The following NRG1 variants were observed in gnomAD, a reference collection of about 807,000 sequenced individuals.
The protein encoded by NRG1 is pro-neuregulin-1, membrane-bound isoform.
In NRG1, 18 loss-of-function variants were observed where a neutral mutation model predicts 63.8. That is an observed-to-expected ratio of 0.28 (90% CI 0.19 to 0.42). The LOEUF is 0.42. Among genes scored for constraint, NRG1 ranks in the 10% least tolerant of loss-of-function variants. The pLI is 1.00. For synonymous variants in NRG1, 302 were observed against 301.3 expected (o/e 1.00, Z -0.02); for missense variants, 762 against 814.7 (o/e 0.94, Z 0.79).
At chr8:32,439,144 C>G (rs1563465913) in intron 1 of NRG1, among the ~76,000 whole-genome samples, 1 of 152,162 alleles carries the variant, frequency 6.6e-6, no homozygotes, top group Non-Finnish European at 1.5e-5. Flanking sequence ...ACAGATCCAT[C>G]TCCACTAATG....
intron 5 of NRG1, among the ~76,000 whole-genome samples, chr8:32,632,568 T>A (rs866889664): frequency 0.024 from 2,790 of 114,166 alleles, 93 homozygotes; most frequent in African/African-American, 0.085. Context: ...AAAAAAAAAA[T>A]GGACATGTCA....
intron 1 of NRG1, among the ~76,000 whole-genome samples, chr8:31,997,456 C>T (rs111408521): frequency 1.3e-5 from 2 of 151,940 alleles, no homozygotes; most frequent in East Asian, 1.9e-4. Flanking sequence ...ATAGAAATAA[C>T]GCTTCACATT....
intron 1 of NRG1, among the ~76,000 whole-genome samples, chr8:32,446,692 CAGA>C (rs962105827): frequency 4.6e-4 from 69 of 151,460 alleles, no homozygotes; most frequent in African/African-American, 1.6e-3. Flanking sequence ...TTCCTGTAGA[CAGA>C]AGGAGTGTTT....
chr8:31,790,282 A>G (rs1820576062), intron 1 of NRG1, among the ~76,000 whole-genome samples: 1 of 152,220 alleles, frequency 6.6e-6, no homozygotes, highest in African/African-American at 2.4e-5. Context: ...AATTAGGACA[A>G]GAAACTAATA....
chr8:31,808,177 A>G (rs1443843568), intron 1 of NRG1, among the ~76,000 whole-genome samples: 1 of 151,990 alleles, frequency 6.6e-6, no homozygotes, highest in African/African-American at 2.4e-5. Context: ...ATTAAAAGTT[A>G]TGTTTCATTA....
chr8:32,539,485 A>G (rs1252174911), intron 1 of NRG1, among the ~76,000 whole-genome samples: 1 of 152,200 alleles, frequency 6.6e-6, no homozygotes, highest in Non-Finnish European at 1.5e-5. Flanking sequence ...AGGTGAGAAG[A>G]AAAGGAAGAT....
chr8:32,264,261 A>T (rs536910586), intron 1 of NRG1, among the ~76,000 whole-genome samples: 6 of 152,160 alleles, frequency 3.9e-5, no homozygotes, highest in Non-Finnish European at 8.8e-5. Flanking sequence ...ATTGTCTGTC[A>T]ATCCTTCTTG....
At chr8:32,181,451 G>A (rs1341755956) in intron 1 of NRG1, among the ~76,000 whole-genome samples, 1 of 151,934 alleles carries the variant, frequency 6.6e-6, no homozygotes, top group Non-Finnish European at 1.5e-5. Flanking sequence ...TTGTATCCAG[G>A]ACAGTGTCTG....
intron 1 of NRG1, among the ~76,000 whole-genome samples, chr8:31,875,134 A>C (rs1829808772): frequency 6.6e-6 from 1 of 151,866 alleles, no homozygotes; most frequent in African/African-American, 2.4e-5. Flanking sequence ...GTAGAGGGAG[A>C]ACTCCTGCCT....
chr8:32,713,048 CTCAGTCA>C (rs1282890730), intron 5 of NRG1, among the ~76,000 whole-genome samples: 1 of 152,220 alleles, frequency 6.6e-6, no homozygotes, highest in African/African-American at 2.4e-5. Context: ...CAATTCCTAG[CTCAGTCA>C]TCTTTTCTCT....
intron 1 of NRG1, among the ~76,000 whole-genome samples, chr8:31,678,376 C>T (rs1369735553): frequency 6.6e-6 from 1 of 151,980 alleles, no homozygotes; most frequent in Non-Finnish European, 1.5e-5. Flanking sequence ...GACCTAATTT[C>T]CCCCCCAACA....
At chr8:32,489,600 G>A (rs1826307668) in intron 1 of NRG1, among the ~76,000 whole-genome samples, 1 of 152,078 alleles carries the variant, frequency 6.6e-6, no homozygotes, top group African/African-American at 2.4e-5. Context: ...TTTCTTCCTG[G>A]TGAAGGACCC....
intron 1 of NRG1, among the ~76,000 whole-genome samples, chr8:32,166,844 A>G (rs955924882): frequency 6.6e-6 from 1 of 152,182 alleles, no homozygotes; most frequent in African/African-American, 2.4e-5. Flanking sequence ...ATTAAGTTTA[A>G]TGGTTTTTGT....
chr8:32,174,782 G>A (rs1435331109), intron 1 of NRG1, among the ~76,000 whole-genome samples: 2 of 152,102 alleles, frequency 1.3e-5, no homozygotes, highest in African/African-American at 4.8e-5. Context: ...ACTAAACCAG[G>A]AAGAAGTTGA....
intron 1 of NRG1, among the ~76,000 whole-genome samples, chr8:32,160,027 A>G (rs1838653015): frequency 6.6e-6 from 1 of 152,152 alleles, no homozygotes; most frequent in Admixed American, 6.5e-5. Flanking sequence ...TGAGTCTGAC[A>G]TAGGAAGAGA....
chr8:32,215,036 A>T (rs1194045413), intron 1 of NRG1, among the ~76,000 whole-genome samples: 1 of 152,234 alleles, frequency 6.6e-6, no homozygotes, highest in African/African-American at 2.4e-5. Context: ...AATGGGGGAC[A>T]CCCAGTCAAA....
intron 1 of NRG1, among the ~76,000 whole-genome samples, chr8:32,301,670 T>C (rs1855577468): frequency 6.6e-6 from 1 of 152,144 alleles, no homozygotes; most frequent in African/African-American, 2.4e-5. Flanking sequence ...CTTAGGTGGA[T>C]GGCAGCAGGC....
At chr8:32,554,421 T>C (rs1224201945) in intron 1 of NRG1, among the ~76,000 whole-genome samples, 1 of 152,238 alleles carries the variant, frequency 6.6e-6, no homozygotes, top group Non-Finnish European at 1.5e-5. Flanking sequence ...TGGACAGCTT[T>C]ATTTATTTTT....
At chr8:31,949,470 T>A (rs1296382763) in intron 1 of NRG1, among the ~76,000 whole-genome samples, 2 of 152,230 alleles carry the variant, frequency 1.3e-5, no homozygotes, top group Admixed American at 1.3e-4. Context: ...TTCCTCCACA[T>A]GTCCAATACA....
Sources: gnomAD v4.1 joint callset for allele counts (sites outside exome capture counted in the v4.1 genomes callset) on GRCh38, gnomAD v4.1.1 for gene constraint, MANE v1.5 for transcripts, NCBI Gene and HGNC (gene_info 2026-07-23, HGNC 2026-07-21) for gene names.